The following SOX5 variants were observed in gnomAD, a reference collection of about 807,000 sequenced individuals.
The protein encoded by SOX5 is SRY-box transcription factor 5, also known as transcription factor SOX-5.
Under a neutral mutation model 92.0 loss-of-function variants are expected in SOX5, and 9 were observed. That is an observed-to-expected ratio of 0.10 (90% CI 0.06 to 0.17). The LOEUF is 0.17. SOX5 is among the 10% of genes least tolerant of loss of function. The probability of loss-of-function intolerance (pLI) is 1.00; values close to 1 mark genes in which losing one functional copy is unlikely to be tolerated. For missense variants in SOX5, 642 were observed against 944.5 expected (o/e 0.68, Z 4.20); for synonymous variants, 344 against 336.3 (o/e 1.02, Z -0.25).
intron 1 of SOX5, among the ~76,000 whole-genome samples, chr12:24,534,833 T>A (rs1392433152): frequency 6.6e-6 from 1 of 152,162 alleles, no homozygotes; most frequent in Non-Finnish European, 1.5e-5. Flanking sequence ...AAACGGGCAT[T>A]CTGAGAACAC....
chr12:24,459,151 T>C (rs1045229524), intron 1 of SOX5, among the ~76,000 whole-genome samples: 2 of 152,206 alleles, frequency 1.3e-5, no homozygotes, highest in Non-Finnish European at 2.9e-5. Flanking sequence ...CTTACAGAAA[T>C]ATATGCCCCA....
chr12:23,948,584 T>C (rs754203284), intron 1 of SOX5, among the ~76,000 whole-genome samples: 1 of 151,754 alleles, frequency 6.6e-6, no homozygotes, highest in Non-Finnish European at 1.5e-5. Flanking sequence ...GTATCATGCA[T>C]CCTGGCTTTT....
At chr12:23,543,564 C>A (rs1387559633) in intron 12 of SOX5, among the ~76,000 whole-genome samples, 180 bp from the exon 13 acceptor site, 4 of 152,170 alleles carry the variant, frequency 2.6e-5, no homozygotes, top group Non-Finnish European at 5.9e-5. Flanking sequence ...CTTGTGGTGG[C>A]AAATGTTATA....
chr12:23,768,655 C>T (rs993687926), intron 3 of SOX5, among the ~76,000 whole-genome samples: 1 of 151,876 alleles, frequency 6.6e-6, no homozygotes, highest in African/African-American at 2.4e-5. Context: ...AGCATTCCAA[C>T]TTGAAATTCC....
At chr12:23,754,842 T>A (rs1196255383) in intron 4 of SOX5, among the ~76,000 whole-genome samples, 2 of 151,850 alleles carry the variant, frequency 1.3e-5, no homozygotes, top group Non-Finnish European at 2.9e-5. Flanking sequence ...GTCTTAAATG[T>A]ATATTCAGCC....
intron 6 of SOX5, among the ~76,000 whole-genome samples, chr12:23,689,641 C>T (rs899623661): frequency 1.3e-5 from 2 of 152,034 alleles, no homozygotes; most frequent in African/African-American, 4.8e-5. Context: ...TTTTTCCTAT[C>T]TCCCAAAAAT....
intron 1 of SOX5, among the ~76,000 whole-genome samples, chr12:24,429,171 G>T (rs1937718104): frequency 6.6e-6 from 1 of 151,810 alleles, no homozygotes; most frequent in Admixed American, 6.6e-5. Flanking sequence ...CAAAAAATTA[G>T]CCGGGCATGG....
At chr12:24,356,360 T>C (rs2141217431) in intron 2 of SOX5, among the ~76,000 whole-genome samples, 1 of 152,288 alleles carries the variant, frequency 6.6e-6, no homozygotes, top group East Asian at 1.9e-4. Flanking sequence ...CTGACCATTA[T>C]GCCACAGAAA....
At chr12:24,024,190 A>G (rs972227442) in intron 4 of SOX5, among the ~76,000 whole-genome samples, 1 of 152,068 alleles carries the variant, frequency 6.6e-6, no homozygotes, top group African/African-American at 2.4e-5. Flanking sequence ...TTTGGAATAT[A>G]ATGAAAAATG....
chr12:24,016,648 A>T (rs1384010681), intron 4 of SOX5, among the ~76,000 whole-genome samples: 1 of 152,224 alleles, frequency 6.6e-6, no homozygotes, highest in African/African-American at 2.4e-5. Flanking sequence ...ACGCAAAAAA[A>T]TGGGAGACCA....
intron 4 of SOX5, among the ~76,000 whole-genome samples, chr12:24,187,226 T>A (rs945110237): frequency 2.6e-5 from 4 of 152,192 alleles, no homozygotes; most frequent in African/African-American, 9.6e-5. Flanking sequence ...TAGTGTCATA[T>A]TTGTGTAATT....
chr12:23,980,482 T>C (rs1015602120), intron 4 of SOX5, among the ~76,000 whole-genome samples: 11 of 152,182 alleles, frequency 7.2e-5, no homozygotes, highest in African/African-American at 2.7e-4. Flanking sequence ...GTCCTGTTCA[T>C]GAAATGACTA....
rs571855884 is a variant in SOX5, at chr12:24,251,564, G to A, written c.-77+25652C>T. ...TGTCCTATTGAACTAGGATGGTTAG[G>A]GTTTTTTGTTTTTTTTTTTTTCTTC... On this transcript the variant is annotated intron_variant, in intron 3 of 4. Transcript: ENST00000446891. Among the ~76,000 whole-genome samples, 140 of 148,066 alleles carry A rather than the reference G, an allele frequency of 9.5e-4. 1 individual carries two copies. The highest frequency in any genetic ancestry group is 3.3e-3 in the African/African-American group (133 of 40,376).
At chr12:23,578,117 CAAAAAAAAAAAAAAAAAAAAA>C (rs1163938652) in intron 9 of SOX5, among the ~76,000 whole-genome samples, 2 of 34,884 alleles carry the variant, frequency 5.7e-5, no homozygotes, top group African/African-American at 2.6e-4. Flanking sequence ...GAGACTGTGT[CAAAAAAAAAAAAAAAAAAAAA>C]AAAAAAAAAA....
chr12:24,195,686 G>A (rs11047310), intron 4 of SOX5, among the ~76,000 whole-genome samples: 18,927 of 151,992 alleles, frequency 0.12, 1,253 homozygotes, highest in Admixed American at 0.16. Context: ...CCGCTCTTAT[G>A]GAGCTAAGTC....
intron 6 of SOX5, among the ~76,000 whole-genome samples, chr12:23,704,594 C>T (rs377205429): frequency 6.7e-6 from 1 of 150,202 alleles, no homozygotes; most frequent in South Asian, 2.1e-4. Context: ...ATCCAACTGA[C>T]AGAAATCTCA....
At chr12:24,395,513 G>A (rs1226676575) in intron 1 of SOX5, among the ~76,000 whole-genome samples, 3 of 152,158 alleles carry the variant, frequency 2.0e-5, no homozygotes, top group Non-Finnish European at 4.4e-5. Flanking sequence ...TGAAGCTGGT[G>A]GAAAACCCAC....
At chr12:23,835,290 G>A (rs2096394791) in intron 3 of SOX5, among the ~76,000 whole-genome samples, 1 of 151,796 alleles carries the variant, frequency 6.6e-6, no homozygotes, top group South Asian at 2.1e-4. Context: ...AATGTATGAT[G>A]TAACTGAAAG....
chr12:24,522,671 CAT>C (rs1323231377), intron 1 of SOX5, among the ~76,000 whole-genome samples: 28 of 152,254 alleles, frequency 1.8e-4, no homozygotes, highest in Middle Eastern at 3.4e-3. Context: ...ATAAAAATCA[CAT>C]GAGCATCTTA....
Sources: gnomAD v4.1 joint callset for allele counts (sites outside exome capture counted in the v4.1 genomes callset) on GRCh38, gnomAD v4.1.1 for gene constraint, MANE v1.5 for transcripts, NCBI Gene and HGNC (gene_info 2026-07-23, HGNC 2026-07-21) for gene names.